The following KHDRBS2 variants were observed in gnomAD, a reference collection of about 807,000 sequenced individuals.
KHDRBS2 encodes the protein KH domain-containing, RNA-binding, signal transduction-associated protein 2.
Under a neutral mutation model 44.3 loss-of-function variants are expected in KHDRBS2, and 26 were observed. That is an observed-to-expected ratio of 0.59 (90% CI 0.43 to 0.81). The LOEUF (loss-of-function observed/expected upper bound fraction) is 0.81. Ranked by LOEUF, KHDRBS2 falls within the 40% of genes least tolerant of loss-of-function variation. The pLI, the probability that KHDRBS2 is intolerant of heterozygous loss-of-function variation, is 0.00. For synonymous variants in KHDRBS2, 194 were observed against 151.1 expected (o/e 1.28, Z -2.08); for missense variants, 476 against 433.1 (o/e 1.10, Z -0.88).
intron 2 of KHDRBS2, among the ~76,000 whole-genome samples, chr6:62,165,272 T>C (rs1013991853): frequency 7.3e-5 from 11 of 150,662 alleles, no homozygotes; most frequent in African/African-American, 2.4e-4. Context: ...TTTATTTATT[T>C]ATTCATTGGC....
the KHDRBS2 span, among the ~76,000 whole-genome samples, chr6:61,562,225 C>A: frequency 6.6e-6 from 1 of 152,150 alleles, no homozygotes; most frequent in Non-Finnish European, 1.5e-5. Flanking sequence ...TTTATCCTAA[C>A]TTCATGCAAG....
chr6:61,944,178 G>A (rs1255304380), intron 4 of KHDRBS2, among the ~76,000 whole-genome samples: 1 of 152,026 alleles, frequency 6.6e-6, no homozygotes, highest in Non-Finnish European at 1.5e-5. Context: ...CAAAGGAAAA[G>A]GAATCATTAT....
At chr6:62,152,364 T>A (rs893880252) in intron 2 of KHDRBS2, among the ~76,000 whole-genome samples, 3 of 151,872 alleles carry the variant, frequency 2.0e-5, no homozygotes, top group Non-Finnish European at 2.9e-5. Flanking sequence ...CCACATGGGG[T>A]TTGTGTAAGG....
chr6:61,999,091 A>G (rs184636458), intron 3 of KHDRBS2, among the ~76,000 whole-genome samples: 7 of 152,218 alleles, frequency 4.6e-5, no homozygotes, highest in Admixed American at 2.0e-4. Flanking sequence ...AAGGCAAACT[A>G]TAAATCAATT....
At chr6:62,166,589 T>C (rs1818738578) in intron 2 of KHDRBS2, among the ~76,000 whole-genome samples, 1 of 152,070 alleles carries the variant, frequency 6.6e-6, no homozygotes, top group Non-Finnish European at 1.5e-5. Context: ...TATCTACATG[T>C]TTCTGGGTAA....
chr6:61,692,576 G>A (rs1444638509), intron 8 of KHDRBS2, among the ~76,000 whole-genome samples: 1 of 151,976 alleles, frequency 6.6e-6, no homozygotes, highest in East Asian at 1.9e-4. Flanking sequence ...TATTATTTCA[G>A]TGATAAAATA....
At chr6:61,998,411 C>T (rs936342066) in intron 3 of KHDRBS2, among the ~76,000 whole-genome samples, 2 of 152,056 alleles carry the variant, frequency 1.3e-5, no homozygotes, top group African/African-American at 4.8e-5. Flanking sequence ...TTCCCTCTAG[C>T]AAAATGAGAT....
intron 1 of KHDRBS2, among the ~76,000 whole-genome samples, chr6:62,203,334 G>C (rs1827358057): frequency 6.6e-6 from 1 of 152,102 alleles, no homozygotes; most frequent in Non-Finnish European, 1.5e-5. Flanking sequence ...CAATGTTTCA[G>C]GAAAGAGAAG....
chr6:61,627,173 A>T, the KHDRBS2 span, among the ~76,000 whole-genome samples: 1 of 145,864 alleles, frequency 6.9e-6, no homozygotes, highest in South Asian at 2.2e-4. Flanking sequence ...GAATGGCGTG[A>T]ACCTGGGAGG....
chr6:61,979,796 G>T (rs1174488840), intron 3 of KHDRBS2, among the ~76,000 whole-genome samples: 2 of 152,006 alleles, frequency 1.3e-5, no homozygotes, highest in Non-Finnish European at 2.9e-5. Flanking sequence ...TTCTCTTTGG[G>T]TCCTGCTAAG....
chr6:61,995,150 G>C (rs1169114629), intron 3 of KHDRBS2, among the ~76,000 whole-genome samples: 2 of 151,848 alleles, frequency 1.3e-5, no homozygotes, highest in East Asian at 3.9e-4. Context: ...TAATATATAG[G>C]GTATCTATAT....
chr6:61,663,445 G>A, the KHDRBS2 span, among the ~76,000 whole-genome samples: 3 of 123,970 alleles, frequency 2.4e-5, no homozygotes, highest in Admixed American at 9.1e-5. Flanking sequence ...AATAAAATAC[G>A]ATTGAAGATA....
At chr6:61,556,596 G>C in the KHDRBS2 span, among the ~76,000 whole-genome samples, 3 of 152,064 alleles carry the variant, frequency 2.0e-5, no homozygotes, top group East Asian at 5.8e-4. Context: ...AAAATATGGA[G>C]TTTAGCCAAA....
At chr6:61,617,551 A>T in the KHDRBS2 span, among the ~76,000 whole-genome samples, 1 of 152,138 alleles carries the variant, frequency 6.6e-6, no homozygotes, top group Non-Finnish European at 1.5e-5. Flanking sequence ...CAGTGAGGGT[A>T]TGTGATTAGA....
chr6:61,787,853 A>G (rs1252732248), intron 6 of KHDRBS2, among the ~76,000 whole-genome samples: 1 of 151,614 alleles, frequency 6.6e-6, no homozygotes, highest in Non-Finnish European at 1.5e-5. Context: ...AAAGTTTATC[A>G]TAATCTCAGC....
intron 3 of KHDRBS2, among the ~76,000 whole-genome samples, chr6:62,033,774 C>T (rs1202868856): frequency 6.6e-6 from 1 of 151,198 alleles, no homozygotes; most frequent in South Asian, 2.1e-4. Flanking sequence ...ACTGCTTGAA[C>T]CCATCATCAA....
chr6:61,604,075 C>T, the KHDRBS2 span, among the ~76,000 whole-genome samples: 1 of 152,226 alleles, frequency 6.6e-6, no homozygotes, highest in Non-Finnish European at 1.5e-5. Context: ...TAACTCAAGC[C>T]CTTGCTCTTG....
At chr6:61,596,649 TTTAA>T in the KHDRBS2 span, among the ~76,000 whole-genome samples, 8 of 152,176 alleles carry the variant, frequency 5.3e-5, no homozygotes, top group African/African-American at 1.9e-4. Context: ...TTTAATTTAA[TTTAA>T]TTAATTTATT....
the KHDRBS2 span, among the ~76,000 whole-genome samples, chr6:61,614,262 G>C: frequency 3.3e-5 from 5 of 152,116 alleles, no homozygotes; most frequent in African/African-American, 1.2e-4. Context: ...GTTATGATGG[G>C]TGGGAATCAG....
Sources: allele counts gnomAD v4.1 joint callset (sites outside exome capture counted in the v4.1 genomes callset), GRCh38; gene constraint gnomAD v4.1.1; transcripts MANE v1.5; gene names NCBI Gene and HGNC (gene_info 2026-07-23, HGNC 2026-07-21).